USP7: variants seen among roughly 807,000 people sequenced by gnomAD.
USP7 encodes the protein ubiquitin specific peptidase 7, also known as ubiquitin C-terminal hydrolase 7.
USP7 carries 9 observed loss-of-function variants against 162.9 expected under a neutral mutation model. That is an observed-to-expected ratio of 0.06 (90% CI 0.03 to 0.10). The LOEUF (loss-of-function observed/expected upper bound fraction) is 0.10. USP7 is among the 10% of genes least tolerant of loss of function. The pLI is 1.00. For missense variants in USP7, 715 were observed against 1,373.7 expected (o/e 0.52, Z 7.58); for synonymous variants, 562 against 475.9 (o/e 1.18, Z -2.35).
chr16:8,930,260 C>A (rs779474136), intron 2 of USP7, 33 bp downstream of exon 2: 1 of 1,552,578 alleles, frequency 6.4e-7, no homozygotes, highest in South Asian at 1.1e-5. Flanking sequence ...CAAGTTTCCG[C>A]CCACTGCGAG....
At position 8,892,378 on chromosome 16, in the gene USP7, G is replaced by C. The variant is rs774688722; in HGVS notation, c.*1620C>G. On this transcript the variant is annotated 3_prime_UTR_variant, in exon 31 of 31. Coordinates refer to ENST00000344836, the MANE Select transcript of USP7 (RefSeq NM_003470.3). ...GCACACACACTGCAGTGGAAGTTGA[G>C]AAAGGAAGTCACTCCAAGGTACACA... The C allele has an allele frequency of 6.6e-6, 1 of 152,362 alleles. No individual in the cohort carries two copies. Among genetic ancestry groups the C allele is most frequent in the Non-Finnish European group, 1.5e-5 (1 of 68,168 alleles). The allele number at this position is 152,362 out of a possible 1,614,324, so 9.4% of individuals were successfully genotyped here. A position where few individuals can be genotyped will look rare whatever the true frequency, so the allele number is the denominator to read the frequency against.
At chr16:8,936,642 T>A in intron 1 of USP7, 1 of 1,554,742 alleles carries the variant, frequency 6.4e-7, no homozygotes, top group South Asian at 1.2e-5. Flanking sequence ...TGGCCTCTGC[T>A]GGGGGATGGG....
intron 3 of USP7, among the ~76,000 whole-genome samples, chr16:8,922,923 AG>A (rs1897779129): frequency 6.6e-6 from 1 of 152,228 alleles, no homozygotes; most frequent in Admixed American, 6.5e-5. Context: ...CTGCTCAGAC[AG>A]TTACTGACAG....
At chr16:8,901,785 A>G (rs1368840717) in intron 18 of USP7, 2 of 384,172 alleles carry the variant, frequency 5.2e-6, no homozygotes, top group Non-Finnish European at 9.4e-6. Flanking sequence ...CCTGACAGAC[A>G]ACGTTTGCAA....
intron 2 of USP7, among the ~76,000 whole-genome samples, chr16:8,928,485 C>T (rs1041331399): frequency 6.6e-6 from 1 of 152,226 alleles, no homozygotes; most frequent in African/African-American, 2.4e-5. Flanking sequence ...ACATATCCAA[C>T]TTCCTAGAAT....
In USP7 at chr16:8,921,277, T is replaced by C. The variant is rs1477628752; in HGVS notation, c.402A>G (p.Ala134=). 2 of 1,614,118 alleles carry C rather than the reference T, an allele frequency of 1.2e-6. No individual in the cohort carries two copies. The highest frequency in any genetic ancestry group is 1.7e-5 in the Admixed American group (1 of 60,026). The stretch of plus-strand genomic sequence containing the variant: ...AATTTATTATCTTCAGCACTGCTTG[T>C]GCATGGCAAGACCATGACCTGTTTA... The part of the protein sequence containing the change: ...ESDSTSWSCH[A]QAVLKIINYR... Residue 134 remains alanine, a synonymous_variant, in exon 4 of 31, where the codon GCA becomes GCG. Transcript: ENST00000344836.
chr16:8,917,062 T>A lies in USP7; in HGVS notation c.815A>T (p.Lys272Ile). The A allele has an allele frequency of 6.2e-7, 1 of 1,612,374 alleles. No homozygotes were observed. The highest frequency in any genetic ancestry group is 8.5e-7 in the Non-Finnish European group (1 of 1,179,544). The change falls in exon 7 of 31, where the codon AAA (lysine) becomes ATA (isoleucine). Residue 272 changes from lysine (K) to isoleucine (I), a missense_variant. By Grantham distance (102) the Lys-to-Ile change is moderately radical. Around this residue, in one of 11 missense-constraint regions of USP7, gnomAD observed 24 missense variants for 153.3 expected, o/e 0.16. Transcript: ENST00000344836. ...RVFYELQHSD[K>I]PVGTKKLTKS... ...TGTTAACTTTTTTGTTCCTACAGGTTTATCACTATGCTGTAATTCATAGAA... is the reference window on the plus strand; with the variant it reads ...TGTTAACTTTTTTGTTCCTACAGGTATATCACTATGCTGTAATTCATAGAA...
At position 8,899,676 on chromosome 16, in the gene USP7, A is replaced by T; in HGVS notation, c.2391T>A (p.Ile797=). ...FRDLYHRVDV[I]FCDKTIPNDP... ...CATTAGGGATTGTTTTATCACAGAAAATGACATCAACGCGGTGGTAGAGAT... is the reference window on the plus strand; with the variant it reads ...CATTAGGGATTGTTTTATCACAGAATATGACATCAACGCGGTGGTAGAGAT... The change falls in exon 22 of 31, where the codon ATT becomes ATA. Residue 797 remains isoleucine, a synonymous_variant. Coordinates refer to ENST00000344836, the MANE Select transcript of USP7 (RefSeq NM_003470.3). 1 of 1,614,226 alleles carries T rather than the reference A, an allele frequency of 6.2e-7. No homozygotes were observed. Among genetic ancestry groups the T allele is most frequent in the Non-Finnish European group, 8.5e-7 (1 of 1,180,022 alleles).
At chr16:8,900,873 G>A (rs1303238877) in intron 20 of USP7, 117 bp downstream of exon 20, 11 of 1,014,458 alleles carry the variant, frequency 1.1e-5, no homozygotes, top group Non-Finnish European at 1.4e-5. Context: ...GATCATCTGA[G>A]GCCCTGAGTT....
chr16:8,935,391 T>G (rs1898645363), intron 1 of USP7, among the ~76,000 whole-genome samples: 1 of 152,030 alleles, frequency 6.6e-6, no homozygotes, highest in Admixed American at 6.6e-5. Context: ...TCTGTATTTT[T>G]GTAGAGATGG....
rs375038883 is a variant in USP7 at position 8,921,324 on chromosome 16, T to A, written c.384-29A>T. 24 of 1,604,132 alleles carry A rather than the reference T, an allele frequency of 1.5e-5. No individual in the cohort carries two copies. The African/African-American group carries it at 3.1e-4, about 21-fold the overall frequency. Reference sequence around the variant, plus strand: ...TTTAAAAGAATAATCTGAGCCTTAGTTGACATTATTTACCAGATGTTATAC... The same window carrying A: ...TTTAAAAGAATAATCTGAGCCTTAGATGACATTATTTACCAGATGTTATAC... On this transcript the variant is annotated intron_variant, in intron 3 of 30. Coordinates refer to ENST00000344836, the MANE Select transcript of USP7 (RefSeq NM_003470.3).
In USP7 at chr16:8,895,625, G is replaced by C; in HGVS notation, c.2919+17C>G. On this transcript the variant is annotated intron_variant, in intron 27 of 30. Coordinates refer to ENST00000344836, the MANE Select transcript of USP7 (RefSeq NM_003470.3). ...TCATGAATTCTCTCTGGTGCCAACAGTATCGGGGACAGATACCTCTATTCG... is the reference window on the plus strand; with the variant it reads ...TCATGAATTCTCTCTGGTGCCAACACTATCGGGGACAGATACCTCTATTCG... 2.5e-6 allele frequency: 4 copies of C among 1,594,728 alleles called. No homozygotes were observed. The South Asian group carries it at 3.4e-5, about 13-fold the overall frequency.
intron 1 of USP7, among the ~76,000 whole-genome samples, chr16:8,931,838 G>T (rs894832918): frequency 6.6e-6 from 1 of 152,160 alleles, no homozygotes; most frequent in Non-Finnish European, 1.5e-5. Context: ...CCCCATATTA[G>T]AATAGCTCAC....
At chr16:8,904,592 C>A in intron 14 of USP7, 27 bp from the exon 15 acceptor site, 1 of 1,611,572 alleles carries the variant, frequency 6.2e-7, no homozygotes, top group Non-Finnish European at 8.5e-7. Flanking sequence ...TCCTCTTTGA[C>A]CCCTGCAGAT....
chr16:8,931,091 C>G (rs1372534757), intron 1 of USP7, among the ~76,000 whole-genome samples: 1 of 151,792 alleles, frequency 6.6e-6, no homozygotes, highest in African/African-American at 2.4e-5. Context: ...GTAATTAAAA[C>G]AATTCTACAG....
chr16:8,945,026 T>C (rs1899215913), intron 1 of USP7, among the ~76,000 whole-genome samples: 1 of 151,938 alleles, frequency 6.6e-6, no homozygotes, highest in Non-Finnish European at 1.5e-5. Flanking sequence ...CCAAGGCAGA[T>C]GAAAGACCTG....
At chr16:8,936,652 G>C in intron 1 of USP7, 2 of 1,552,420 alleles carry the variant, frequency 1.3e-6, no homozygotes, top group Non-Finnish European at 1.7e-6. Flanking sequence ...TGGGGGATGG[G>C]GGAGGTTCTC....
At chr16:8,905,502 A>G (rs2061845851) in intron 13 of USP7, among the ~76,000 whole-genome samples, 171 bp from the exon 14 acceptor site, 1 of 152,252 alleles carries the variant, frequency 6.6e-6, no homozygotes, top group Non-Finnish European at 1.5e-5. Context: ...CTAGGCAGGC[A>G]GCGCCTCAGG....
At chr16:8,936,978 G>A (rs941037848) in intron 1 of USP7, among the ~76,000 whole-genome samples, 2 of 152,122 alleles carry the variant, frequency 1.3e-5, no homozygotes, top group Non-Finnish European at 1.5e-5. Flanking sequence ...GGGCACACAG[G>A]CGCTCTGTCA....
Sources: allele counts gnomAD v4.1 joint callset (sites outside exome capture counted in the v4.1 genomes callset), GRCh38; gene constraint gnomAD v4.1.1; regional missense constraint gnomAD v4.1.1; transcripts MANE v1.5; gene names NCBI Gene and HGNC (gene_info 2026-07-23, HGNC 2026-07-21).